ZNF595: variants seen among roughly 807,000 people sequenced by gnomAD.
The protein encoded by ZNF595 is zinc finger protein 595.
Under a neutral mutation model 19.4 loss-of-function variants are expected in ZNF595, and 9 were observed. That is an observed-to-expected ratio of 0.46 (90% CI 0.28 to 0.81). ZNF595 has a LOEUF of 0.81. Among genes scored for constraint, ZNF595 ranks in the 30% least tolerant of loss-of-function variants. The pLI is 0.11. For synonymous variants in ZNF595, 255 were observed against 255.9 expected (o/e 1.00, Z 0.03); for missense variants, 729 against 736.0 (o/e 0.99, Z 0.11).
intron 3 of ZNF595, among the ~76,000 whole-genome samples, chr4:66,887 G>C (rs1581332939): frequency 6.6e-6 from 1 of 151,324 alleles, no homozygotes; most frequent in African/African-American, 2.4e-5. Flanking sequence ...CTTTGTTCTT[G>C]TTTTCTAAGA....
chr4:79,908 A>G (rs553496991), intron 3 of ZNF595, among the ~76,000 whole-genome samples: 23 of 152,072 alleles, frequency 1.5e-4, no homozygotes, highest in Admixed American at 1.1e-3. Flanking sequence ...TTTCTTGCCA[A>G]TGTTTTATAA....
At position 86,011 on chromosome 4, in the gene ZNF595, A is replaced by G; in HGVS notation, c.507A>G (p.Gly169=). The G allele has an allele frequency of 6.2e-7, 1 of 1,608,654 alleles. No homozygotes were observed. Among genetic ancestry groups the G allele is most frequent in the Non-Finnish European group, 8.5e-7 (1 of 1,176,866 alleles). Residue 169 remains glycine (G), a synonymous_variant, in exon 4 of 4, where the codon GGA becomes GGG. Transcript: ENST00000610261. The stretch of plus-strand genomic sequence containing the variant: ...ACAAACATAAGATAAGACATACTGG[A>G]GAGAAACCCTTTAAATGTACAGAAT... The part of the protein sequence containing the change: ...NSNKHKIRHT[G]EKPFKCTECG...
chr4:75,995 A>G (rs572226371), intron 3 of ZNF595, among the ~76,000 whole-genome samples: 152 of 152,216 alleles, frequency 1.0e-3, no homozygotes, highest in African/African-American at 3.6e-3. Flanking sequence ...GGCTCAAGCA[A>G]TTCTCCAGTC....
At chr4:80,417 A>G (rs1374347014) in intron 3 of ZNF595, among the ~76,000 whole-genome samples, 1 of 152,236 alleles carries the variant, frequency 6.6e-6, no homozygotes, top group Non-Finnish European at 1.5e-5. Flanking sequence ...AATGGCTGAT[A>G]TCATACTGGA....
At chr4:71,185 G>C (rs957197217) in intron 3 of ZNF595, among the ~76,000 whole-genome samples, 152,328 of 152,328 alleles carry the variant, frequency 1, 76,164 homozygotes, top group Non-Finnish European at 1. Context: ...ATTTTTAAAT[G>C]CTATATTTTG....
Position 66,949 on chromosome 4 carries a change from G to A in ZNF595, c.226+6796G>A, listed in dbSNP as rs1713144213. Among the ~76,000 whole-genome samples, 14 of 147,510 alleles carry A rather than the reference G, an allele frequency of 9.5e-5. No individual in the cohort carries two copies. The South Asian group carries it at 3.1e-3, about 32-fold the overall frequency. On this transcript the variant is annotated intron_variant, in intron 3 of 3. Coordinates refer to ENST00000610261, the MANE Select transcript of ZNF595 (RefSeq NM_182524.4). ...AAATTCCATGTAAAAGTTAAGAATT[G>A]TAAAAAATACTTTTTCACAAAGTAT...
chr4:75,511 TA>T (rs1458707657), intron 3 of ZNF595, among the ~76,000 whole-genome samples: 2 of 152,336 alleles, frequency 1.3e-5, no homozygotes, highest in South Asian at 2.1e-4. Flanking sequence ...GGGTCTCACT[TA>T]ATTTTCTCAC....
At chr4:83,377 T>C (rs574781375) in intron 3 of ZNF595, among the ~76,000 whole-genome samples, 111 of 152,184 alleles carry the variant, frequency 7.3e-4, no homozygotes, top group African/African-American at 2.5e-3. Context: ...CCCAGCACTT[T>C]GGAAGGCCGA....
intron 3 of ZNF595, among the ~76,000 whole-genome samples, chr4:73,165 C>G (rs546214598): frequency 6.6e-6 from 1 of 152,204 alleles, no homozygotes; most frequent in East Asian, 1.9e-4. Flanking sequence ...TTGGGGAAAG[C>G]ACCAAGCATA....
intron 3 of ZNF595, among the ~76,000 whole-genome samples, chr4:82,475 C>T (rs553932769): frequency 1.3e-5 from 2 of 148,746 alleles, no homozygotes; most frequent in African/African-American, 4.9e-5. Flanking sequence ...CCCTCTGCCT[C>T]CCAGGTTCAA....
chr4:72,710 C>G (rs1157189036), intron 3 of ZNF595, among the ~76,000 whole-genome samples: 1 of 151,524 alleles, frequency 6.6e-6, no homozygotes, highest in African/African-American at 2.4e-5. Context: ...ATGTAAGTGC[C>G]TTCCAATTTC....
chr4:86,884 CTT>C lies in ZNF595; in HGVS notation c.1382_1383del (p.Phe461TyrfsTer10). 1 of 1,611,530 alleles carries C rather than the reference CTT, an allele frequency of 6.2e-7. No homozygotes were observed. The highest frequency in any genetic ancestry group is 8.5e-7 in the Non-Finnish European group (1 of 1,178,508). On this transcript the variant is annotated frameshift_variant, in exon 4 of 4. Transcript: ENST00000610261. LOFTEE classifies it high-confidence loss of function. The part of the protein sequence containing the change: ...PYKCEECGKA[F>X]TRSTTLNEHK... ...ACAAATGTGAAGAATGTGGCAAAGC[CTT>C]TACACGGTCCACAACACTGAACGAA...
intron 3 of ZNF595, among the ~76,000 whole-genome samples, chr4:82,953 T>C (rs1252492494): frequency 6.6e-6 from 1 of 152,176 alleles, no homozygotes; most frequent in African/African-American, 2.4e-5. Context: ...ATTACAGAAA[T>C]TGAGCTATTG....
rs782075606 is a variant in ZNF595 at position 87,438 on chromosome 4, A to G, written c.1934A>G (p.Lys645Arg). Reference protein sequence around the residue: ...LTVHKRIHTGKEHS With the variant: ...LTVHKRIHTGREHS Reference sequence around the variant, plus strand: ...GTACACAAGCGAATTCATACTGGCAAGGAACATAGTTGAATGACATTTCTA... The same window carrying G: ...GTACACAAGCGAATTCATACTGGCAGGGAACATAGTTGAATGACATTTCTA... The change falls in exon 4 of 4, where the codon AAG becomes AGG. Residue 645 changes from lysine (K) to arginine (R), a missense_variant. Transcript: ENST00000610261. 2.5e-6 allele frequency: 4 copies of G among 1,590,796 alleles called. No individual in the cohort carries two copies. The highest frequency in any genetic ancestry group is 1.1e-5 in the South Asian group (1 of 87,130).
intron 1 of ZNF595, among the ~76,000 whole-genome samples, chr4:54,304 TGG>T (rs1712515455): frequency 6.8e-6 from 1 of 146,532 alleles, no homozygotes; most frequent in African/African-American, 2.5e-5. Flanking sequence ...GCGTTGGGGT[TGG>T]AGCATTGACT....
In ZNF595 at chr4:54,888, C is replaced by CT. The variant is rs113477648; in HGVS notation, c.3+1408dup. Among the ~76,000 whole-genome samples, 143 of 149,904 alleles carry CT rather than the reference C, an allele frequency of 9.5e-4. No homozygotes were observed. In the East Asian group the frequency reaches 0.011, roughly 11 times the overall value. On this transcript the variant is annotated intron_variant, in intron 1 of 3. Coordinates refer to ENST00000610261, the MANE Select transcript of ZNF595 (RefSeq NM_182524.4). ...AGTCCTGCCCTGCTCCCACTCATGG[C>CT]TTTTTTTTTTTGAGATGGCGTCTTG...
At chr4:75,108 T>G (rs1489444751) in intron 3 of ZNF595, among the ~76,000 whole-genome samples, 1 of 152,220 alleles carries the variant, frequency 6.6e-6, no homozygotes, top group African/African-American at 2.4e-5. Flanking sequence ...ACATGGAATA[T>G]TCTTTTTCAT....
At chr4:82,142 T>A (rs1713933610) in intron 3 of ZNF595, among the ~76,000 whole-genome samples, 1 of 152,142 alleles carries the variant, frequency 6.6e-6, no homozygotes, top group African/African-American at 2.4e-5. Context: ...TCCAACATGT[T>A]TCTCTTTTTG....
At chr4:81,911 T>C (rs1713924527) in intron 3 of ZNF595, among the ~76,000 whole-genome samples, 1 of 152,214 alleles carries the variant, frequency 6.6e-6, no homozygotes, top group Admixed American at 6.5e-5. Context: ...TTTATTCATT[T>C]ATTTGGTGAG....
Sources: allele counts gnomAD v4.1 joint callset (sites outside exome capture counted in the v4.1 genomes callset), GRCh38; gene constraint gnomAD v4.1.1; transcripts MANE v1.5; gene names NCBI Gene and HGNC (gene_info 2026-07-23, HGNC 2026-07-21).